The following CFAP100 variants were observed in gnomAD, a reference collection of about 807,000 sequenced individuals.
CFAP100 encodes cilia and flagella associated protein 100.
In CFAP100, 70 loss-of-function variants were observed where a neutral mutation model predicts 81.5. The observed-to-expected ratio is 0.86, with a 90% CI of 0.71 to 1.05. The LOEUF (loss-of-function observed/expected upper bound fraction) is 1.05, where lower values mean the gene tolerates loss of function less well. CFAP100 is among the 50% of genes least tolerant of loss of function. CFAP100 has a pLI of 0.00. For missense variants in CFAP100, 811 were observed against 776.5 expected, an observed-to-expected ratio of 1.04 and a Z score of -0.53; for synonymous variants, 341 against 314.8, an observed-to-expected ratio of 1.08 and a Z score of -0.88.
At chr3:126,403,373 T>G (rs1464139719) in intron 2 of CFAP100, among the ~76,000 whole-genome samples, 3 of 142,526 alleles carry the variant, frequency 2.1e-5, no homozygotes, top group Non-Finnish European at 4.5e-5. Context: ...CCCAGTCGAG[T>G]GTATTTTATC....
rs1933366088 is a variant in CFAP100 at position 126,434,465 on chromosome 3, C to A, written c.1628+84C>A. ...GCACATACAGGCCCCACCCTCAAAG[C>A]ACTCCCAGGAGACAGGCCCCTCCTG... On this transcript the variant is annotated intron_variant, in intron 15 of 16. Coordinates refer to ENST00000352312, the MANE Select transcript of CFAP100 (RefSeq NM_182628.3). 3.7e-6 allele frequency: 5 copies of A among 1,356,058 alleles called. No individual in the cohort carries two copies. The East Asian group carries it at 7.2e-5, about 19-fold the overall frequency. The allele number at this position is 1,356,058 out of a possible 1,614,324, so 84.0% of individuals were successfully genotyped here.
intron 5 of CFAP100, among the ~76,000 whole-genome samples, chr3:126,417,839 C>T (rs2083267421): frequency 6.6e-6 from 1 of 152,250 alleles, no homozygotes; most frequent in Non-Finnish European, 1.5e-5. Flanking sequence ...GTTTCCAGGT[C>T]CTTTCCACAG....
intron 4 of CFAP100, among the ~76,000 whole-genome samples, chr3:126,415,368 C>T (rs1187827249): frequency 2.0e-5 from 3 of 151,504 alleles, no homozygotes; most frequent in Non-Finnish European, 4.4e-5. Context: ...CTCCCCTACC[C>T]GGCAGGCTCT....
chr3:126,433,153 G>C lies in CFAP100; in HGVS notation c.1371G>C (p.Leu457=), dbSNP rs1393998813. Residue 457 remains leucine (L), a synonymous_variant, in exon 14 of 17, where the codon CTG becomes CTC. Coordinates refer to ENST00000352312, the MANE Select transcript of CFAP100 (RefSeq NM_182628.3). ...ITKEEDTAAE[L]ELKARVFHFG... is the part of the protein sequence containing the mutation. ...AGGAGGAGGACACAGCAGCTGAGCT[G>C]GAGCTCAAAGCCCGAGTCTTCCACT... 2 of 1,614,216 alleles carry C rather than the reference G, an allele frequency of 1.2e-6. No individual in the cohort carries two copies. The highest frequency in any genetic ancestry group is 1.7e-6 in the Non-Finnish European group (2 of 1,180,032).
intron 5 of CFAP100, 95 bp downstream of exon 5, chr3:126,416,603 C>A: frequency 9.3e-7 from 1 of 1,080,788 alleles, no homozygotes; most frequent in Non-Finnish European, 1.3e-6. Flanking sequence ...ACTCATCTTG[C>A]ACAGATGGGA....
intron 3 of CFAP100, among the ~76,000 whole-genome samples, chr3:126,411,291 T>A (rs1217051206): frequency 6.6e-6 from 1 of 152,086 alleles, no homozygotes. Context: ...AGTTAGCTAA[T>A]GTTTTGTTGA....
At chr3:126,418,017 TCAGCCTCTGCCCAGTTTG>T in intron 5 of CFAP100, 74 of 167,618 alleles carry the variant, frequency 4.4e-4, no homozygotes, top group South Asian at 1.9e-3. Flanking sequence ...CAGTGTAGAC[TCAGCCTCTGCCCAGTTTG>T]CTCGGGGGGC....
intron 3 of CFAP100, among the ~76,000 whole-genome samples, chr3:126,412,141 A>C (rs1233017799): frequency 6.6e-6 from 1 of 152,206 alleles, no homozygotes; most frequent in East Asian, 1.9e-4. Flanking sequence ...TCAAATTTCC[A>C]TTTTGATTTC....
intron 2 of CFAP100, among the ~76,000 whole-genome samples, chr3:126,404,966 G>A (rs572983089): frequency 8.0e-4 from 122 of 152,330 alleles, no homozygotes; most frequent in African/African-American, 2.7e-3. Flanking sequence ...ACCACGCCCG[G>A]TCACAGATGA....
chr3:126,436,493 A>G lies in CFAP100; in HGVS notation c.*89A>G, dbSNP rs1933452294. 1.1e-6 allele frequency: 1 copy of G among 890,598 alleles called. No homozygotes were observed. The highest frequency in any genetic ancestry group is 1.8e-6 in the Non-Finnish European group (1 of 552,256). 55.2% of individuals were successfully genotyped at this position (890,598 alleles called of 1,614,324 possible). On this transcript the variant is annotated 3_prime_UTR_variant, in exon 17 of 17. Coordinates refer to ENST00000352312, the MANE Select transcript of CFAP100 (RefSeq NM_182628.3). ...ACTGGGCTGGGTCTCGAGTGGCCCA[A>G]CTGAGTCCTCTCTGTCTCCTGTGTG...
chr3:126,401,878 C>A (rs998185069), intron 2 of CFAP100, among the ~76,000 whole-genome samples: 1 of 152,166 alleles, frequency 6.6e-6, no homozygotes, highest in Admixed American at 6.5e-5. Flanking sequence ...ATGCTGGCCC[C>A]AGTGGCTCCT....
At chr3:126,421,583 G>A (rs755084340) in intron 11 of CFAP100, among the ~76,000 whole-genome samples, 106 of 152,262 alleles carry the variant, frequency 7.0e-4, no homozygotes, top group Middle Eastern at 6.8e-3. Context: ...CTGTGTCTGT[G>A]GCAACCCACT....
chr3:126,404,442 A>G (rs542759186), intron 2 of CFAP100, among the ~76,000 whole-genome samples: 1 of 152,310 alleles, frequency 6.6e-6, no homozygotes, highest in Admixed American at 6.5e-5. Flanking sequence ...GCATCCTTCT[A>G]TGGAAGGCTG....
chr3:126,400,435 T>C (rs2107583081), intron 2 of CFAP100, among the ~76,000 whole-genome samples: 1 of 152,180 alleles, frequency 6.6e-6, no homozygotes, highest in East Asian at 1.9e-4. Context: ...GGTGAAAGTG[T>C]AAAATGGTTC....
In CFAP100 at chr3:126,436,288, C is replaced by T; in HGVS notation, c.1723-3C>T. On this transcript the variant is annotated splice_region_variant and splice_polypyrimidine_tract_variant and intron_variant, in intron 16 of 16. Coordinates refer to ENST00000352312, the MANE Select transcript of CFAP100 (RefSeq NM_182628.3). ...AGGCTCACTGGGCTTGTTTCCCCTG[C>T]AGAGAGGCAGGACACTGGTATGCCG... The T allele has an allele frequency of 6.2e-7, 1 of 1,612,004 alleles. No homozygotes were observed. Among genetic ancestry groups the T allele is most frequent in the Non-Finnish European group, 8.5e-7 (1 of 1,178,390 alleles).
At chr3:126,402,057 G>A (rs2082993610) in intron 2 of CFAP100, among the ~76,000 whole-genome samples, 1 of 152,176 alleles carries the variant, frequency 6.6e-6, no homozygotes, top group African/African-American at 2.4e-5. Flanking sequence ...CCAGAATGTG[G>A]ACTCCAGGAA....
intron 2 of CFAP100, among the ~76,000 whole-genome samples, chr3:126,401,181 G>A (rs1367795942): frequency 6.6e-6 from 1 of 151,876 alleles, no homozygotes; most frequent in East Asian, 1.9e-4. Context: ...GGGCTGGGGA[G>A]GGGAGGATGG....
At chr3:126,411,361 G>A (rs1038023758) in intron 3 of CFAP100, among the ~76,000 whole-genome samples, 1 of 35,366 alleles carries the variant, frequency 2.8e-5, no homozygotes, top group Admixed American at 5.5e-4. Flanking sequence ...GTTGTTGTTG[G>A]TTTTTTTTTT....
intron 13 of CFAP100, among the ~76,000 whole-genome samples, chr3:126,432,282 C>CAAAAAAAAAAA (rs58421889): frequency 3.9e-5 from 3 of 76,740 alleles, no homozygotes; most frequent in African/African-American, 6.0e-5. Flanking sequence ...GACTCCGTCT[C>CAAAAAAAAAAA]AAAAAAAAAA....
Sources: allele counts gnomAD v4.1 joint callset (sites outside exome capture counted in the v4.1 genomes callset), GRCh38; gene constraint gnomAD v4.1.1; transcripts MANE v1.5; gene names NCBI Gene and HGNC (gene_info 2026-07-23, HGNC 2026-07-21).